The following ACSS3 variants were observed in gnomAD, a reference collection of about 807,000 sequenced individuals.
ACSS3 encodes acyl-CoA synthetase short chain family member 3.
In ACSS3, 64 loss-of-function variants were observed where a neutral mutation model predicts 84.2. The observed-to-expected ratio is 0.76, with a 90% CI of 0.62 to 0.94. The LOEUF is 0.94. ACSS3 is among the 40% of genes least tolerant of loss of function. The pLI is 0.00. For synonymous variants in ACSS3, 317 were observed against 310.1 expected (o/e 1.02, Z -0.23); for missense variants, 815 against 867.6 (o/e 0.94, Z 0.76).
chr12:81,105,594 A>T (rs1882918889), intron 1 of ACSS3, among the ~76,000 whole-genome samples: 1 of 152,066 alleles, frequency 6.6e-6, no homozygotes, highest in Non-Finnish European at 1.5e-5. Context: ...GAGAGTAAAA[A>T]CTTCCCTAGT....
At chr12:81,192,331 G>C (rs1565713110) in intron 8 of ACSS3, among the ~76,000 whole-genome samples, 2 of 152,270 alleles carry the variant, frequency 1.3e-5, no homozygotes, top group East Asian at 1.9e-4. Flanking sequence ...AGTAAGCCGA[G>C]ACCGTGCTCT....
chr12:81,171,259 T>C (rs1002554823), intron 7 of ACSS3, among the ~76,000 whole-genome samples: 6 of 152,122 alleles, frequency 3.9e-5, no homozygotes, highest in African/African-American at 1.4e-4. Context: ...TGATGAAAGA[T>C]CTTGTTCTAT....
intron 2 of ACSS3, among the ~76,000 whole-genome samples, chr12:81,130,783 C>G (rs563916916): frequency 6.6e-6 from 1 of 152,240 alleles, no homozygotes; most frequent in Non-Finnish European, 1.5e-5. Context: ...AGTCTTTAAT[C>G]CATCTTGAAT....
intron 3 of ACSS3, among the ~76,000 whole-genome samples, chr12:81,137,172 C>G (rs565510417): frequency 6.7e-6 from 1 of 150,068 alleles, no homozygotes; most frequent in Non-Finnish European, 1.5e-5. Flanking sequence ...TGAGTTAATG[C>G]CTATGAAGAA....
At chr12:81,240,715 T>C (rs975926395) in intron 13 of ACSS3, among the ~76,000 whole-genome samples, 5 of 152,080 alleles carry the variant, frequency 3.3e-5, no homozygotes, top group Non-Finnish European at 7.4e-5. Context: ...AATATACTTC[T>C]TTTAACTTGT....
intron 7 of ACSS3, among the ~76,000 whole-genome samples, chr12:81,163,930 G>A (rs1887279441): frequency 6.6e-6 from 1 of 152,128 alleles, no homozygotes; most frequent in African/African-American, 2.4e-5. Flanking sequence ...AAGTAAAATA[G>A]TTACAGTAAG....
chr12:81,095,777 G>A (rs1021625565), intron 1 of ACSS3, among the ~76,000 whole-genome samples: 2 of 152,138 alleles, frequency 1.3e-5, no homozygotes, highest in Non-Finnish European at 2.9e-5. Flanking sequence ...CTTTCATGTC[G>A]AGATGGGACA....
chr12:81,200,790 A>G (rs2032062361), intron 9 of ACSS3, among the ~76,000 whole-genome samples: 1 of 151,054 alleles, frequency 6.6e-6, no homozygotes, highest in Non-Finnish European at 1.5e-5. Context: ...AATCTCAGCT[A>G]CTCGGGAGGC....
At chr12:81,249,468 C>G (rs79058721) in intron 13 of ACSS3, among the ~76,000 whole-genome samples, 2 of 151,966 alleles carry the variant, frequency 1.3e-5, no homozygotes, top group Admixed American at 1.3e-4. Flanking sequence ...GGTTCACATG[C>G]CTTTTGCCTT....
intron 1 of ACSS3, among the ~76,000 whole-genome samples, chr12:81,092,890 A>T (rs1420735685): frequency 1.3e-5 from 2 of 152,182 alleles, no homozygotes; most frequent in Non-Finnish European, 2.9e-5. Flanking sequence ...TAAGGCTAGG[A>T]AAAAAAGGAT....
rs1433708017 is a variant in ACSS3 at position 81,213,831 on chromosome 12, CTCTT to C, written c.1355-3069_1355-3066del. On this transcript the variant is annotated intron_variant, in intron 9 of 15. Transcript: ENST00000548058. ...CTCTTCTCTTCTCTTCTCTTCTCTTCTCTTCTCTTCTCTCCTCTCCTCTCTTCTC... is the reference window on the plus strand; with the variant it reads ...CTCTTCTCTTCTCTTCTCTTCTCTTCCTCTTCTCTCCTCTCCTCTCTTCTC... Among the ~76,000 whole-genome samples, 774 of 92,298 alleles carry C rather than the reference CTCTT, an allele frequency of 8.4e-3. 35 individuals are homozygous for C. The highest frequency in any genetic ancestry group is 0.028 in the African/African-American group (724 of 26,062). 60.6% of individuals were successfully genotyped at this position (92,298 alleles called of 152,430 possible). A position where few individuals can be genotyped will look rare whatever the true frequency, so the allele number is the denominator to read the frequency against.
chr12:81,144,903 C>CTT (rs1292727483), intron 5 of ACSS3, among the ~76,000 whole-genome samples: 15,945 of 116,910 alleles, frequency 0.14, 1,745 homozygotes, highest in East Asian at 0.33. Context: ...TTTTTCTTTT[C>CTT]TTTTTTTTTT....
At chr12:81,201,918 A>G (rs1407744206) in intron 9 of ACSS3, among the ~76,000 whole-genome samples, 1 of 152,172 alleles carries the variant, frequency 6.6e-6, no homozygotes, top group African/African-American at 2.4e-5. Context: ...TAGGATCTCT[A>G]TACGTTTGCA....
At chr12:81,099,187 T>A (rs751536333) in intron 1 of ACSS3, among the ~76,000 whole-genome samples, 11 of 152,292 alleles carry the variant, frequency 7.2e-5, no homozygotes, top group Non-Finnish European at 1.3e-4. Flanking sequence ...ATCTTTGAAT[T>A]GTTTCCAATA....
chr12:81,235,564 A>G (rs990646835), intron 13 of ACSS3, among the ~76,000 whole-genome samples: 2 of 151,386 alleles, frequency 1.3e-5, no homozygotes, highest in Non-Finnish European at 3.0e-5. Flanking sequence ...AAATCCATAT[A>G]TTGATTGGAG....
chr12:81,116,832 C>T (rs1331689039), intron 2 of ACSS3, among the ~76,000 whole-genome samples: 1 of 151,852 alleles, frequency 6.6e-6, no homozygotes, highest in Non-Finnish European at 1.5e-5. Context: ...TGATTATTTC[C>T]AAAAGTATCA....
At chr12:81,153,539 G>A (rs748547533) in intron 7 of ACSS3, among the ~76,000 whole-genome samples, 12 of 152,200 alleles carry the variant, frequency 7.9e-5, no homozygotes, top group Admixed American at 2.6e-4. Flanking sequence ...TCTTGAATGC[G>A]GAGTTACAGA....
At chr12:81,213,424 T>C (rs796111980) in intron 9 of ACSS3, among the ~76,000 whole-genome samples, 34 of 152,262 alleles carry the variant, frequency 2.2e-4, no homozygotes, top group African/African-American at 8.2e-4. Context: ...ATAACCAAAG[T>C]ATCTGTAACA....
chr12:81,109,789 A>G lies in ACSS3; in HGVS notation c.456+85A>G, dbSNP rs542657433. On this transcript the variant is annotated intron_variant, in intron 2 of 15. Transcript: ENST00000548058. The stretch of plus-strand genomic sequence containing the variant: ...ATACATTCTCATTGTAGAGCCTTCA[A>G]TTCTCTAATGCATTGAAATATGTTG... 151 of 1,112,898 alleles carry G rather than the reference A, an allele frequency of 1.4e-4. No individual in the cohort carries two copies. In the South Asian group the frequency reaches 2.2e-3, roughly 16 times the overall value. The allele number at this position is 1,112,898 out of a possible 1,614,324, so 68.9% of individuals were successfully genotyped here.
Sources: allele counts gnomAD v4.1 joint callset (sites outside exome capture counted in the v4.1 genomes callset), GRCh38; gene constraint gnomAD v4.1.1; transcripts MANE v1.5; gene names NCBI Gene and HGNC (gene_info 2026-07-23, HGNC 2026-07-21).